The following WNT5A variants were observed in gnomAD, a reference collection of about 807,000 sequenced individuals.
The protein encoded by WNT5A is Wnt family member 5A, also known as protein Wnt-5a.
A neutral mutation model predicts 42.1 loss-of-function variants in WNT5A; 9 were observed. The ratio of observed to expected loss-of-function variants is 0.21; its 90% CI spans 0.13 to 0.37. WNT5A has a LOEUF of 0.37. Among genes scored for constraint, WNT5A ranks in the 10% least tolerant of loss-of-function variants. The probability of loss-of-function intolerance (pLI) is 1.00; values close to 1 mark genes in which losing one functional copy is unlikely to be tolerated. For synonymous variants in WNT5A, 210 were observed against 210.0 expected, an observed-to-expected ratio of 1.00 and a Z score of 0.00; for missense variants, 426 against 534.0, an observed-to-expected ratio of 0.80 and a Z score of 1.99.
At chr3:55,492,402 C>A (rs774666144), upstream of WNT5A, among the ~76,000 whole-genome samples, 1 of 152,058 alleles carries the variant, frequency 6.6e-6, no homozygotes, top group Non-Finnish European at 1.5e-5. Flanking sequence ...AGATAGGAAA[C>A]AAATATATTA....
intron 2 of WNT5A, 135 bp downstream of exon 2, chr3:55,480,650 A>G (rs2051440000): frequency 4.3e-6 from 4 of 926,192 alleles, no homozygotes; most frequent in Non-Finnish European, 3.0e-6. Context: ...AACTATATAT[A>G]AGTAAAATGT....
chr3:55,481,721 A>G (rs974753544), intron 1 of WNT5A, among the ~76,000 whole-genome samples: 3 of 152,022 alleles, frequency 2.0e-5, no homozygotes, highest in African/African-American at 4.8e-5. Flanking sequence ...TCTCCCAACC[A>G]AGGAAACTGG....
chr3:55,474,285 G>A (rs2051305735), intron 4 of WNT5A, 52 bp downstream of exon 4: 1 of 1,608,144 alleles, frequency 6.2e-7, no homozygotes, highest in African/African-American at 1.3e-5. Context: ...GGAGGCTGGA[G>A]GGCAAGGTGA....
intron 4 of WNT5A, among the ~76,000 whole-genome samples, chr3:55,473,856 G>A (rs2051297577): frequency 6.6e-6 from 1 of 152,222 alleles, no homozygotes; most frequent in Non-Finnish European, 1.5e-5. Context: ...CACAGACATC[G>A]TCCAGGCAGG....
chr3:55,499,099 T>G, the WNT5A span, among the ~76,000 whole-genome samples: 5 of 152,192 alleles, frequency 3.3e-5, no homozygotes, highest in Non-Finnish European at 5.9e-5. Context: ...CTTGGTTGTT[T>G]TAGGAAAATT....
chr3:55,499,982 A>C, the WNT5A span, among the ~76,000 whole-genome samples: 93 of 10,700 alleles, frequency 8.7e-3, no homozygotes, highest in African/African-American at 0.26. Context: ...CCCCCCTCCA[A>C]AAAAAAAAAA....
chr3:55,481,441 C>T (rs111996292), intron 1 of WNT5A: 3 of 398,582 alleles, frequency 7.5e-6, no homozygotes, highest in Non-Finnish European at 9.5e-6. Context: ...GTGGCCAGCG[C>T]GGGGGGTGGA....
upstream of WNT5A, chr3:55,494,117 G>A (rs569882162): frequency 6.6e-6 from 1 of 152,316 alleles, no homozygotes; most frequent in African/African-American, 2.4e-5. Context: ...AACTTACATG[G>A]AAGAAGCAGA....
At chr3:55,498,827 A>T in the WNT5A span, among the ~76,000 whole-genome samples, 1 of 152,094 alleles carries the variant, frequency 6.6e-6, no homozygotes, top group Admixed American at 6.5e-5. Context: ...TGAAATTTTT[A>T]ACCTGTTTGG....
chr3:55,470,699 C>CT (rs2051234221), intron 4 of WNT5A, 149 bp from the exon 5 acceptor site: 1 of 703,898 alleles, frequency 1.4e-6, no homozygotes, highest in Non-Finnish European at 2.2e-6. Flanking sequence ...TACCAGAAGT[C>CT]TTATGTTGCC....
chr3:55,502,064 T>C, the WNT5A span, among the ~76,000 whole-genome samples: 2 of 152,196 alleles, frequency 1.3e-5, no homozygotes, highest in African/African-American at 4.8e-5. Context: ...GCTTGTTCTT[T>C]AAGAATTCAG....
chr3:55,504,691 C>T, the WNT5A span, among the ~76,000 whole-genome samples: 1 of 152,108 alleles, frequency 6.6e-6, no homozygotes, highest in Non-Finnish European at 1.5e-5. Flanking sequence ...CTCAAACTCC[C>T]AACCTCAGGT....
the WNT5A span, among the ~76,000 whole-genome samples, chr3:55,504,349 AAAAC>A: frequency 5.8e-4 from 88 of 152,296 alleles, 1 homozygote; most frequent in Admixed American, 1.2e-3. Context: ...CCAAAAAACA[AAAAC>A]AAACAAACAG....
At chr3:55,485,191 G>A (rs2051553417) in intron 1 of WNT5A, among the ~76,000 whole-genome samples, 1 of 152,032 alleles carries the variant, frequency 6.6e-6, no homozygotes, top group Non-Finnish European at 1.5e-5. Context: ...GTGGGAGGGA[G>A]AGGGGAGCAG....
At chr3:55,479,668 T>A (rs753297644) in intron 2 of WNT5A, 104 bp from the exon 3 acceptor site, 14 of 1,401,040 alleles carry the variant, frequency 1.0e-5, no homozygotes, top group Non-Finnish European at 1.3e-5. Flanking sequence ...AGATGCTTTT[T>A]TCTCTCCTGC....
At chr3:55,489,871 C>G (rs1441291142), upstream of WNT5A, 3 of 152,370 alleles carry the variant, frequency 2.0e-5, no homozygotes, top group Non-Finnish European at 4.4e-5. Context: ...CGTCTCCGCC[C>G]GGCAAATCGC....
upstream of WNT5A, among the ~76,000 whole-genome samples, chr3:55,492,468 T>C (rs1235906991): frequency 6.6e-6 from 1 of 152,198 alleles, no homozygotes; most frequent in African/African-American, 2.4e-5. Flanking sequence ...GCTCTGCCTA[T>C]GGAGATAGCT....
upstream of WNT5A, among the ~76,000 whole-genome samples, chr3:55,494,883 C>T (rs563466732): frequency 4.6e-5 from 7 of 152,294 alleles, no homozygotes; most frequent in South Asian, 1.5e-3. Context: ...TTCATCCCTT[C>T]CAGATAAGAA....
chr3:55,498,720 C>A, the WNT5A span, among the ~76,000 whole-genome samples: 5 of 152,244 alleles, frequency 3.3e-5, no homozygotes, highest in African/African-American at 9.6e-5. Flanking sequence ...TCAGGTCGGG[C>A]CCATCAGAAG....
Sources: allele counts gnomAD v4.1 joint callset (sites outside exome capture counted in the v4.1 genomes callset), GRCh38; gene constraint gnomAD v4.1.1; transcripts MANE v1.5; gene names NCBI Gene and HGNC (gene_info 2026-07-23, HGNC 2026-07-21).